Variants in FOCAD observed in about 807,000 individuals in gnomAD.
The protein encoded by FOCAD is focadhesin.
FOCAD carries 198 observed loss-of-function variants against 225.6 expected under a neutral mutation model. The ratio of observed to expected loss-of-function variants is 0.88; its 90% CI spans 0.78 to 0.99. The LOEUF (loss-of-function observed/expected upper bound fraction) is 0.99, where lower values mean the gene tolerates loss of function less well. FOCAD is among the 50% of genes least tolerant of loss of function. The pLI is 0.00. For missense variants in FOCAD, 2,713 were observed against 2,123.6 expected (o/e 1.28, Z -5.46); for synonymous variants, 897 against 755.0 (o/e 1.19, Z -3.08).
chr9:20,851,376 A>C (rs1210021267), intron 15 of FOCAD, among the ~76,000 whole-genome samples: 1 of 151,730 alleles, frequency 6.6e-6, no homozygotes, highest in Non-Finnish European at 1.5e-5. Flanking sequence ...TTTTATCTTC[A>C]TGCCTCTTTT....
intron 23 of FOCAD, among the ~76,000 whole-genome samples, chr9:20,914,488 C>T (rs1833712716): frequency 6.6e-6 from 1 of 152,104 alleles, no homozygotes; most frequent in South Asian, 2.1e-4. Context: ...GTACGGTGTT[C>T]AGGGTCTCTT....
intron 35 of FOCAD, among the ~76,000 whole-genome samples, chr9:20,965,652 A>C (rs901668355): frequency 6.6e-6 from 1 of 152,200 alleles, no homozygotes; most frequent in Non-Finnish European, 1.5e-5. Flanking sequence ...CATTACCCCA[A>C]GAGGAAACAT....
intron 35 of FOCAD, among the ~76,000 whole-genome samples, chr9:20,971,887 G>A (rs1382969565): frequency 6.6e-6 from 1 of 151,848 alleles, no homozygotes; most frequent in Admixed American, 6.6e-5. Context: ...TTAATGTAAT[G>A]GCCTTAAGTT....
chr9:20,956,104 C>A (rs937061876), intron 35 of FOCAD, among the ~76,000 whole-genome samples: 1 of 152,140 alleles, frequency 6.6e-6, no homozygotes, highest in Non-Finnish European at 1.5e-5. Context: ...GGTCAGTGAT[C>A]TGCGTGTGTA....
chr9:20,944,587 T>A lies in FOCAD; in HGVS notation c.3408-40T>A, dbSNP rs774006544. 1.5e-5 allele frequency: 24 copies of A among 1,589,584 alleles called. No homozygotes were observed. In the Admixed American group the frequency reaches 4.1e-4, roughly 27 times the overall value. ...GTAAGTGAAGAGCAATTGTGTGGATTTCTTATGATCCTAACATCTTATCTT... is the reference window on the plus strand; with the variant it reads ...GTAAGTGAAGAGCAATTGTGTGGATATCTTATGATCCTAACATCTTATCTT... On this transcript the variant is annotated intron_variant, in intron 28 of 43. Transcript: ENST00000338382.
At chr9:20,656,544 T>C (rs1400222433), upstream of FOCAD, among the ~76,000 whole-genome samples, 15 of 152,170 alleles carry the variant, frequency 9.9e-5, no homozygotes, top group African/African-American at 3.1e-4. Context: ...GCCTTCTTTG[T>C]CTCTTTTGAT....
chr9:20,878,989 T>C (rs1051236891), intron 19 of FOCAD, among the ~76,000 whole-genome samples: 2 of 152,188 alleles, frequency 1.3e-5, no homozygotes, highest in East Asian at 3.9e-4. Context: ...TCTCTGGGTC[T>C]CTGGACAATT....
intron 22 of FOCAD, among the ~76,000 whole-genome samples, chr9:20,909,483 T>C (rs1833258123): frequency 6.6e-6 from 1 of 152,230 alleles, no homozygotes; most frequent in Admixed American, 6.6e-5. Flanking sequence ...CAAATCTATT[T>C]GATCTATGAA....
At chr9:20,939,539 G>A (rs938932281) in intron 28 of FOCAD, among the ~76,000 whole-genome samples, 101 of 152,204 alleles carry the variant, frequency 6.6e-4, no homozygotes, top group African/African-American at 2.4e-3. Context: ...GTTTAAATGC[G>A]GGGAGTACCA....
upstream of FOCAD, among the ~76,000 whole-genome samples, chr9:20,657,571 G>A (rs1334706303): frequency 1.9e-3 from 97 of 50,592 alleles, no homozygotes; most frequent in Non-Finnish European, 2.6e-3. Context: ...TGATGGCATC[G>A]GCTCCTGAGG....
chr9:20,873,885 C>G (rs944117753), intron 18 of FOCAD: 24 of 152,070 alleles, frequency 1.6e-4, no homozygotes, highest in African/African-American at 5.6e-4. Flanking sequence ...ATAGAAACCA[C>G]TTTTATATAT....
chr9:20,812,871 T>C (rs1343847356), intron 11 of FOCAD, among the ~76,000 whole-genome samples: 3 of 152,204 alleles, frequency 2.0e-5, no homozygotes. Context: ...TTTTTGTGTA[T>C]GGTAAACACA....
chr9:20,847,472 A>ATTT (rs11338930), intron 15 of FOCAD, among the ~76,000 whole-genome samples: 1 of 142,884 alleles, frequency 7.0e-6, no homozygotes, highest in African/African-American at 2.6e-5. Flanking sequence ...ATCTGCTCAG[A>ATTT]TTTTTTTTTT....
intron 5 of FOCAD, among the ~76,000 whole-genome samples, chr9:20,755,287 C>G (rs1234664877): frequency 6.6e-6 from 1 of 152,154 alleles, no homozygotes; most frequent in African/African-American, 2.4e-5. Context: ...TACTTAATCT[C>G]ATTTTTTGAA....
chr9:20,676,061 T>C (rs931253588), intron 2 of FOCAD, among the ~76,000 whole-genome samples: 5 of 152,160 alleles, frequency 3.3e-5, no homozygotes, highest in Admixed American at 2.0e-4. Flanking sequence ...GTGATAAAAA[T>C]GTGTATGGAG....
At chr9:20,686,404 G>A (rs1822670849) in intron 1 of FOCAD, among the ~76,000 whole-genome samples, 1 of 152,250 alleles carries the variant, frequency 6.6e-6, no homozygotes, top group East Asian at 1.9e-4. Context: ...TGATCCCTCC[G>A]CGTTGGTGTT....
intron 4 of FOCAD, among the ~76,000 whole-genome samples, chr9:20,731,285 A>AACAAC (rs1826678496): frequency 6.8e-6 from 1 of 146,332 alleles, no homozygotes; most frequent in African/African-American, 2.6e-5. Context: ...ACAACAACAA[A>AACAAC]GTACTTCATT....
intron 28 of FOCAD, among the ~76,000 whole-genome samples, chr9:20,939,692 TTTTA>T (rs1213739312): frequency 7.3e-5 from 11 of 149,806 alleles, no homozygotes; most frequent in South Asian, 4.3e-4. Context: ...TCTTACCTTC[TTTTA>T]TTTTATTTTT....
chr9:20,889,873 G>T (rs1039368261), intron 21 of FOCAD, among the ~76,000 whole-genome samples: 24 of 152,074 alleles, frequency 1.6e-4, no homozygotes, highest in Non-Finnish European at 2.8e-4. Flanking sequence ...CATGAACAAG[G>T]TATAATTGTC....
Sources: allele counts gnomAD v4.1 joint callset (sites outside exome capture counted in the v4.1 genomes callset), GRCh38; gene constraint gnomAD v4.1.1; transcripts MANE v1.5; gene names NCBI Gene and HGNC (gene_info 2026-07-23, HGNC 2026-07-21).